IL1RAPL1: variants seen among roughly 807,000 people sequenced by gnomAD.
The protein encoded by IL1RAPL1 is interleukin 1 receptor accessory protein like 1, also known as interleukin-1 receptor accessory protein-like 1.
IL1RAPL1 carries 3 observed loss-of-function variants against 48.4 expected under a neutral mutation model. The ratio of observed to expected loss-of-function variants is 0.06; its 90% CI spans 0.03 to 0.16. IL1RAPL1 has a LOEUF of 0.16. IL1RAPL1 is among the 10% of genes least tolerant of loss of function. The pLI is 1.00. For missense variants in IL1RAPL1, 349 were observed against 530.6 expected (o/e 0.66, Z 3.36); for synonymous variants, 185 against 187.7 (o/e 0.99, Z 0.12).
chrX:28,632,672 T>C (rs1026570013), intron 1 of IL1RAPL1, among the ~76,000 whole-genome samples: 2 of 111,529 alleles, frequency 1.8e-5, no homozygotes, highest in Non-Finnish European at 3.8e-5. Flanking sequence ...AAAATACCAA[T>C]AAGACCTCCC....
chrX:29,068,999 G>C (rs1380067516), intron 2 of IL1RAPL1, among the ~76,000 whole-genome samples: 4 of 111,991 alleles, frequency 3.6e-5, no homozygotes, highest in African/African-American at 1.3e-4. Flanking sequence ...CCATGCAATA[G>C]TGTGTTTCCT....
At chrX:28,999,099 A>T (rs1278350426) in intron 2 of IL1RAPL1, among the ~76,000 whole-genome samples, 3 of 111,317 alleles carry the variant, frequency 2.7e-5, no homozygotes, top group East Asian at 5.6e-4. Context: ...TGACATGTTC[A>T]TAATTATGAG....
intron 3 of IL1RAPL1, among the ~76,000 whole-genome samples, chrX:29,383,761 T>C (rs1448927928): frequency 1.8e-5 from 2 of 111,817 alleles, no homozygotes; most frequent in Non-Finnish European, 3.8e-5. Flanking sequence ...TATAAAGGAA[T>C]GGAAAGGAAA....
intron 2 of IL1RAPL1, among the ~76,000 whole-genome samples, chrX:28,908,981 T>G (rs756970759): frequency 8.9e-6 from 1 of 111,846 alleles, no homozygotes; most frequent in South Asian, 3.7e-4. Context: ...GAGGTCTACT[T>G]TATCTGACAT....
chrX:29,178,506 G>T (rs1930075763), intron 2 of IL1RAPL1, among the ~76,000 whole-genome samples: 1 of 111,913 alleles, frequency 8.9e-6, no homozygotes, highest in Non-Finnish European at 1.9e-5. Context: ...CCCTTTGTCA[G>T]ATAGGTAGAT....
chrX:28,794,527 G>T (rs935056664), intron 2 of IL1RAPL1, among the ~76,000 whole-genome samples: 2 of 111,503 alleles, frequency 1.8e-5, no homozygotes, highest in African/African-American at 6.5e-5. Context: ...CAAAAAGCAC[G>T]TTATTTTAGG....
chrX:29,237,878 T>A (rs1931338976), intron 2 of IL1RAPL1, among the ~76,000 whole-genome samples: 2 of 112,264 alleles, frequency 1.8e-5, no homozygotes, highest in African/African-American at 6.5e-5. Context: ...AAAATAATCA[T>A]GCTTTTTTAA....
chrX:29,567,849 C>T (rs1922459638), intron 5 of IL1RAPL1, among the ~76,000 whole-genome samples: 1 of 111,164 alleles, frequency 9.0e-6, no homozygotes, highest in Admixed American at 9.6e-5. Context: ...GTTTGGCAGA[C>T]ATCTTCCTTT....
At chrX:29,446,766 C>T (rs1293141820) in intron 5 of IL1RAPL1, among the ~76,000 whole-genome samples, 1 of 111,307 alleles carries the variant, frequency 9.0e-6, no homozygotes, top group Admixed American at 9.6e-5. Context: ...CTTTGTGTAG[C>T]CGTTTCCTCA....
At chrX:29,452,402 A>G (rs2147727504) in intron 5 of IL1RAPL1, among the ~76,000 whole-genome samples, 1 of 111,840 alleles carries the variant, frequency 8.9e-6, no homozygotes, top group Admixed American at 9.5e-5. Flanking sequence ...AATTGAGACA[A>G]TGTCTCTTTG....
At chrX:29,747,525 A>G (rs1242915283) in intron 6 of IL1RAPL1, among the ~76,000 whole-genome samples, 1 of 112,174 alleles carries the variant, frequency 8.9e-6, no homozygotes, top group Non-Finnish European at 1.9e-5. Context: ...GCAGTGTGCC[A>G]GCTCATTAGG....
At position 29,143,637 on chromosome X, in the gene IL1RAPL1, C is replaced by T. The variant is rs1929288979; in HGVS notation, c.83-139301C>T. Among the ~76,000 whole-genome samples, 4 of 112,027 alleles carry T rather than the reference C, an allele frequency of 3.6e-5. No homozygotes were observed. In the Admixed American group the frequency reaches 3.8e-4, roughly 11 times the overall value. ...GTAGCAGGCTAGGTTATCAGATCAA[C>T]TGTCATGGTATCGCATGACAGTAAT... On this transcript the variant is annotated intron_variant, in intron 2 of 10. Coordinates refer to ENST00000378993, the MANE Select transcript of IL1RAPL1 (RefSeq NM_014271.4).
chrX:28,645,347 CAAAA>C (rs35814453), intron 1 of IL1RAPL1, among the ~76,000 whole-genome samples: 30 of 29,059 alleles, frequency 1.0e-3, no homozygotes, highest in East Asian at 3.5e-3. Context: ...AATTCCGCCT[CAAAA>C]AAAAAAAAAA....
In IL1RAPL1 at chrX:29,604,838, T is replaced by G. The variant is rs565540867; in HGVS notation, c.704-63592T>G. 2.7e-5 allele frequency among the ~76,000 whole-genome samples: 3 copies of G among 110,427 alleles called. No homozygotes were observed. In the South Asian group the frequency reaches 1.2e-3, roughly 43 times the overall value. ...TGGTTGCCTATCATATTTCCCAGCT[T>G]TGCCTTTCCTAATACAACCCGTATT... On this transcript the variant is annotated intron_variant, in intron 5 of 10. Transcript: ENST00000378993.
At chrX:29,429,365 G>A (rs1185125233) in intron 5 of IL1RAPL1, among the ~76,000 whole-genome samples, 1 of 112,170 alleles carries the variant, frequency 8.9e-6, no homozygotes, top group Non-Finnish European at 1.9e-5. Flanking sequence ...TACACAATTG[G>A]CAACACAATT....
chrX:28,668,666 G>C (rs978976904), intron 1 of IL1RAPL1, among the ~76,000 whole-genome samples: 1 of 112,753 alleles, frequency 8.9e-6, no homozygotes, highest in Admixed American at 9.3e-5. Flanking sequence ...TGAATTTCTA[G>C]TCCTGGATTC....
At position 29,214,668 on chromosome X, in the gene IL1RAPL1, C is replaced by G. The variant is rs1231403275; in HGVS notation, c.83-68270C>G. On this transcript the variant is annotated intron_variant, in intron 2 of 10. Transcript: ENST00000378993. ...CATTGGGATCCCCGAGATAATTCCA[C>G]AGTATAACGAAAACATAAAGGAAGA... Among the ~76,000 whole-genome samples the G allele has an allele frequency of 6.3e-5, 7 of 111,065 alleles. No homozygotes were observed. In the East Asian group the frequency reaches 1.7e-3, roughly 27 times the overall value.
intron 1 of IL1RAPL1, among the ~76,000 whole-genome samples, chrX:28,751,563 C>A (rs1428508466): frequency 9.0e-6 from 1 of 111,507 alleles, no homozygotes; most frequent in African/African-American, 3.3e-5. Context: ...TATTTGATTT[C>A]CAGTTTTTCA....
rs760868175 is a variant in IL1RAPL1, at chrX:28,914,851, G to A, written c.82+125426G>A. Among the ~76,000 whole-genome samples, 8 of 112,136 alleles carry A rather than the reference G, an allele frequency of 7.1e-5. No individual in the cohort carries two copies. The South Asian group carries it at 3.0e-3, about 42-fold the overall frequency. ...TTCCATTAATAAAAACTAATCGCTT[G>A]GTAAAGAGGATATTATTTGTTTCTT... On this transcript the variant is annotated intron_variant, in intron 2 of 10. Transcript: ENST00000378993.
Sources: gnomAD v4.1 joint callset for allele counts (sites outside exome capture counted in the v4.1 genomes callset) on GRCh38, gnomAD v4.1.1 for gene constraint, MANE v1.5 for transcripts, NCBI Gene and HGNC (gene_info 2026-07-23, HGNC 2026-07-21) for gene names.